The following UBE3D variants were observed in gnomAD, a reference collection of about 807,000 sequenced individuals.
The protein encoded by UBE3D is ubiquitin protein ligase E3D.
A neutral mutation model predicts 49.6 loss-of-function variants in UBE3D; 48 were observed. The ratio of observed to expected loss-of-function variants is 0.97; its 90% CI spans 0.77 to 1.23. UBE3D has a LOEUF of 1.23. UBE3D is among the 50% of genes most tolerant of loss of function. The pLI, the probability that UBE3D is intolerant of heterozygous loss-of-function variation, is 0.00. For synonymous variants in UBE3D, 189 were observed against 174.2 expected, an observed-to-expected ratio of 1.08 and a Z score of -0.67; for missense variants, 452 against 468.4, an observed-to-expected ratio of 0.96 and a Z score of 0.32.
chr6:82,999,647 A>T (rs986867069), intron 8 of UBE3D, among the ~76,000 whole-genome samples: 1 of 152,074 alleles, frequency 6.6e-6, no homozygotes, highest in African/African-American at 2.4e-5. Flanking sequence ...AGCCTCCCAA[A>T]GTGCTGGGAT....
intron 8 of UBE3D, among the ~76,000 whole-genome samples, chr6:82,967,875 T>A (rs1321205916): frequency 6.6e-6 from 1 of 152,100 alleles, no homozygotes; most frequent in Admixed American, 6.6e-5. Context: ...ACTCCTGGCC[T>A]CAAGCAATCC....
intron 8 of UBE3D, among the ~76,000 whole-genome samples, chr6:82,992,078 T>C (rs1226337257): frequency 6.6e-6 from 1 of 152,094 alleles, no homozygotes; most frequent in Non-Finnish European, 1.5e-5. Flanking sequence ...AGCACAAACA[T>C]GCACAGAGAA....
At position 82,962,699 on chromosome 6, in the gene UBE3D, C is replaced by T. The variant is rs1197939396; in HGVS notation, c.1011-5249G>A. 2.0e-5 allele frequency among the ~76,000 whole-genome samples: 3 copies of T among 152,098 alleles called. No individual in the cohort carries two copies. In the South Asian group the frequency reaches 6.2e-4, roughly 32 times the overall value. ...TAAAGGAAAAGAGTGTTATCTTGAT[C>T]ACAGGGCCAATAAATGATAGGAAAA... On this transcript the variant is annotated intron_variant, in intron 8 of 9. Transcript: ENST00000369747.
At chr6:83,028,528 C>T (rs113285467) in intron 5 of UBE3D, among the ~76,000 whole-genome samples, 17 of 152,036 alleles carry the variant, frequency 1.1e-4, no homozygotes, top group Non-Finnish European at 1.9e-4. Context: ...CAACATTTAG[C>T]GTCTCCTATT....
intron 9 of UBE3D, among the ~76,000 whole-genome samples, chr6:82,951,641 A>C (rs557420180): frequency 7.2e-5 from 11 of 152,320 alleles, no homozygotes; most frequent in Admixed American, 3.9e-4. Flanking sequence ...TGCAGTGTAC[A>C]GAGTGGATGA....
In UBE3D at chr6:82,957,426, G is replaced by A. The variant is rs1419112149; in HGVS notation, c.1035C>T (p.Asp345=). The change falls in exon 9 of 10, where the codon GAC becomes GAT. Residue 345 remains aspartate, a synonymous_variant. Transcript: ENST00000369747. The part of the protein sequence containing the change: ...NEKLVSLWES[D]ISVHPLTLPS... ...GCAGGGTTAGCGGGTGGACGCTGAT[G>A]TCACTTTCCCACAAGCTGACAAGTC... 1 of 1,614,028 alleles carries A rather than the reference G, an allele frequency of 6.2e-7. No individual in the cohort carries two copies. The highest frequency in any genetic ancestry group is 8.5e-7 in the Non-Finnish European group (1 of 1,179,972).
At chr6:83,015,739 A>T (rs1780655223) in intron 8 of UBE3D, among the ~76,000 whole-genome samples, 1 of 152,146 alleles carries the variant, frequency 6.6e-6, no homozygotes, top group Non-Finnish European at 1.5e-5. Flanking sequence ...TCCTGAGAAG[A>T]ATCAACATTA....
the UBE3D span, among the ~76,000 whole-genome samples, chr6:82,882,942 A>T: frequency 6.6e-6 from 1 of 152,164 alleles, no homozygotes; most frequent in Non-Finnish European, 1.5e-5. Context: ...CTAACTAGAC[A>T]ATAAATTTCT....
chr6:83,020,345 T>TTTTTTGTTTTTG (rs1554204642), intron 7 of UBE3D, among the ~76,000 whole-genome samples: 66 of 140,576 alleles, frequency 4.7e-4, no homozygotes, highest in African/African-American at 1.8e-3. Flanking sequence ...GATACTGTTT[T>TTTTTTGTTTTTG]TTTTTTTTTT....
intron 5 of UBE3D, among the ~76,000 whole-genome samples, chr6:83,030,815 T>C (rs1359401178): frequency 6.6e-6 from 1 of 152,104 alleles, no homozygotes; most frequent in Non-Finnish European, 1.5e-5. Flanking sequence ...TTGGCCAAAA[T>C]GCTGATAGTG....
At chr6:83,062,645 C>T (rs1252599811) in intron 1 of UBE3D, among the ~76,000 whole-genome samples, 1 of 152,120 alleles carries the variant, frequency 6.6e-6, no homozygotes, top group Non-Finnish European at 1.5e-5. Flanking sequence ...TTTAAAATCA[C>T]CCAACTATAT....
At chr6:82,998,375 G>C (rs1179559438) in intron 8 of UBE3D, among the ~76,000 whole-genome samples, 1 of 152,144 alleles carries the variant, frequency 6.6e-6, no homozygotes, top group African/African-American at 2.4e-5. Flanking sequence ...CAGAACCACA[G>C]GAACACTGCA....
chr6:83,000,295 A>T (rs891310830), intron 8 of UBE3D, among the ~76,000 whole-genome samples: 1 of 152,108 alleles, frequency 6.6e-6, no homozygotes, highest in African/African-American at 2.4e-5. Flanking sequence ...ACTCAAATGC[A>T]CCTCAAACTC....
intron 1 of UBE3D, among the ~76,000 whole-genome samples, chr6:83,058,778 A>C (rs1783979492): frequency 6.6e-6 from 1 of 150,516 alleles, no homozygotes; most frequent in South Asian, 2.1e-4. Context: ...TAGGCCTTAG[A>C]AATCTGCCTT....
intron 7 of UBE3D, among the ~76,000 whole-genome samples, chr6:83,022,229 G>A (rs992988042): frequency 2.4e-4 from 36 of 152,142 alleles, no homozygotes; most frequent in Non-Finnish European, 1.5e-4. Context: ...GTTTCCCCAT[G>A]TTGGCCAGGC....
intron 9 of UBE3D, among the ~76,000 whole-genome samples, chr6:82,914,250 T>G (rs1772747873): frequency 6.6e-6 from 1 of 152,230 alleles, no homozygotes; most frequent in Non-Finnish European, 1.5e-5. Context: ...GGCTTAGGTC[T>G]GAGGAATTTA....
Position 82,959,226 on chromosome 6 carries a change from A to G in UBE3D, c.1011-1776T>C, listed in dbSNP as rs144487888. Among the ~76,000 whole-genome samples, 277 of 151,766 alleles carry G rather than the reference A, an allele frequency of 1.8e-3. 1 individual carries two copies. The highest frequency in any genetic ancestry group is 6.5e-3 in the African/African-American group (268 of 41,378). On this transcript the variant is annotated intron_variant, in intron 8 of 9. Transcript: ENST00000369747. ...CTTGTCAAGACCCCTAACTGTTTTTAAAAAGTTCCCCCACCCCCCTCAAAA... is the reference window on the plus strand; with the variant it reads ...CTTGTCAAGACCCCTAACTGTTTTTGAAAAGTTCCCCCACCCCCCTCAAAA...
chr6:82,883,225 AG>A, the UBE3D span, among the ~76,000 whole-genome samples: 1 of 152,172 alleles, frequency 6.6e-6, no homozygotes, highest in Non-Finnish European at 1.5e-5. Flanking sequence ...TTAGTCTGGG[AG>A]GAATAAGGAA....
chr6:83,010,649 G>A (rs905099844), intron 8 of UBE3D, among the ~76,000 whole-genome samples: 2 of 152,124 alleles, frequency 1.3e-5, no homozygotes, highest in African/African-American at 4.8e-5. Context: ...CCCACAACAG[G>A]CCATCTGTAA....
Sources: gnomAD v4.1 joint callset for allele counts (sites outside exome capture counted in the v4.1 genomes callset) on GRCh38, gnomAD v4.1.1 for gene constraint, MANE v1.5 for transcripts, NCBI Gene and HGNC (gene_info 2026-07-23, HGNC 2026-07-21) for gene names.